DCAF12: variants seen among roughly 807,000 people sequenced by gnomAD.
DCAF12 encodes the protein DDB1- and CUL4-associated factor 12.
In DCAF12, 28 loss-of-function variants were observed where a neutral mutation model predicts 52.8. That is an observed-to-expected ratio of 0.53 (90% CI 0.39 to 0.73). DCAF12 has a LOEUF of 0.73. DCAF12 is among the 30% of genes least tolerant of loss of function. The probability of loss-of-function intolerance (pLI) is 0.00; values close to 1 mark genes in which losing one functional copy is unlikely to be tolerated. For missense variants in DCAF12, 425 were observed against 552.2 expected (o/e 0.77, Z 2.31); for synonymous variants, 196 against 215.5 (o/e 0.91, Z 0.79).
intron 2 of DCAF12, among the ~76,000 whole-genome samples, chr9:34,113,297 C>T (rs1564100787): frequency 6.6e-6 from 1 of 151,808 alleles, no homozygotes; most frequent in Non-Finnish European, 1.5e-5. Flanking sequence ...GGTGATCTGC[C>T]TGCTTTGGCC....
intron 4 of DCAF12, among the ~76,000 whole-genome samples, chr9:34,099,755 G>A (rs1013128383): frequency 6.0e-5 from 9 of 149,206 alleles, no homozygotes; most frequent in East Asian, 4.0e-4. Flanking sequence ...CACCATGCCC[G>A]GCTAATTTTT....
intron 2 of DCAF12, 63 bp downstream of exon 2, chr9:34,124,960 T>C: frequency 1.9e-6 from 3 of 1,584,608 alleles, no homozygotes; most frequent in South Asian, 1.1e-5. Context: ...GCAGAGGTTC[T>C]AGAGCAAGTG....
intron 5 of DCAF12, among the ~76,000 whole-genome samples, chr9:34,097,041 T>C (rs762206862): frequency 1.3e-5 from 2 of 151,996 alleles, no homozygotes; most frequent in African/African-American, 4.8e-5. Flanking sequence ...AACGTCCTGT[T>C]GGAGAGTTAA....
chr9:34,126,465 T>A lies in DCAF12; in HGVS notation c.-34A>T, dbSNP rs772225634. ...GCGCCGCCGCGGCCCCGCAGCCACA[T>A]GGGGCGGGGGAAGCGAAGGATAGCA... is the stretch of plus-strand genomic sequence containing the variant. On this transcript the variant is annotated 5_prime_UTR_variant, in exon 1 of 9. An upstream start codon of the reference 5' UTR is lost. Coordinates refer to ENST00000361264, the MANE Select transcript of DCAF12 (RefSeq NM_015397.4). 1.9e-6 allele frequency: 3 copies of A among 1,595,384 alleles called. No individual in the cohort carries two copies. Among genetic ancestry groups the A allele is most frequent in the Non-Finnish European group, 1.7e-6 (2 of 1,176,250 alleles).
Position 34,087,547 on chromosome 9 carries a change from G to C in DCAF12, c.*803C>G, listed in dbSNP as rs1828578891. The C allele has an allele frequency of 6.6e-6, 1 of 152,154 alleles. No homozygotes were observed. Among genetic ancestry groups the C allele is most frequent in the African/African-American group, 2.4e-5 (1 of 41,420 alleles). 9.4% of individuals were successfully genotyped at this position (152,154 alleles called of 1,614,324 possible). The stretch of plus-strand genomic sequence containing the variant: ...TGATGTTTTAGGGGTGTGGCTACTG[G>C]CTAAGCAGATGTGAGGGTGGGAAGG... On this transcript the variant is annotated 3_prime_UTR_variant, in exon 9 of 9. Coordinates refer to ENST00000361264, the MANE Select transcript of DCAF12 (RefSeq NM_015397.4).
intron 3 of DCAF12, 84 bp from the exon 4 acceptor site, chr9:34,106,578 AT>A (rs1225808114): frequency 4.4e-6 from 5 of 1,142,434 alleles, no homozygotes; most frequent in Non-Finnish European, 6.4e-6. Context: ...CTAAAGAAGC[AT>A]ACAAGTCAGA....
chr9:34,113,131 A>G (rs1173189409), intron 2 of DCAF12, among the ~76,000 whole-genome samples: 1 of 150,714 alleles, frequency 6.6e-6, no homozygotes, highest in African/African-American at 2.4e-5. Flanking sequence ...GCTCACCACA[A>G]CCTCTGCCTC....
At chr9:34,123,145 T>C (rs1829200246) in intron 2 of DCAF12, among the ~76,000 whole-genome samples, 1 of 152,244 alleles carries the variant, frequency 6.6e-6, no homozygotes, top group African/African-American at 2.4e-5. Flanking sequence ...ATTGAATGAC[T>C]ACCCTAGTTT....
chr9:34,088,103 T>G lies in DCAF12; in HGVS notation c.*247A>C. 3.0e-6 allele frequency: 1 copy of G among 328,732 alleles called. No individual in the cohort carries two copies. Among genetic ancestry groups the G allele is most frequent in the Non-Finnish European group, 5.5e-6 (1 of 183,148 alleles). 20.4% of individuals were successfully genotyped at this position (328,732 alleles called of 1,614,324 possible). The stretch of plus-strand genomic sequence containing the variant: ...AGAAAAATAGGGATTAGCAACAATG[T>G]TTGGTTGAAAAGCCAGAAATAATAA... On this transcript the variant is annotated 3_prime_UTR_variant, in exon 9 of 9. Transcript: ENST00000361264.
intron 2 of DCAF12, among the ~76,000 whole-genome samples, chr9:34,115,444 A>G (rs1829071520): frequency 1.1e-5 from 1 of 92,046 alleles, no homozygotes; most frequent in South Asian, 3.6e-4. Flanking sequence ...ACAAAAAATT[A>G]GCCGGGCGGC....
At position 34,126,618 on chromosome 9, in the gene DCAF12, T is replaced by C; in HGVS notation, c.-187A>G. 1 of 656,178 alleles carries C rather than the reference T, an allele frequency of 1.5e-6. No homozygotes were observed. The highest frequency in any genetic ancestry group is 2.5e-6 in the Non-Finnish European group (1 of 397,504). 40.6% of individuals were successfully genotyped at this position (656,178 alleles called of 1,614,324 possible). ...AAGAAAGGAAAGAGAGAGGAAGGAC[T>C]TGAGCCGGGAAAGGGAAGGGGAAGC... On this transcript the variant is annotated 5_prime_UTR_variant, in exon 1 of 9. Transcript: ENST00000361264.
At chr9:34,107,660 A>G (rs1257773143) in intron 2 of DCAF12, 95 bp from the exon 3 acceptor site, 1 of 1,015,198 alleles carries the variant, frequency 9.9e-7, no homozygotes, top group African/African-American at 1.6e-5. Flanking sequence ...ATCAACATTT[A>G]ATTAACAACT....
intron 4 of DCAF12, among the ~76,000 whole-genome samples, chr9:34,104,608 GA>G (rs1211723437): frequency 6.6e-6 from 1 of 152,038 alleles, no homozygotes; most frequent in African/African-American, 2.4e-5. Context: ...GTTTTATTAT[GA>G]AAATTTTAAA....
chr9:34,094,732 A>G (rs542236648), intron 6 of DCAF12, among the ~76,000 whole-genome samples: 153 of 151,756 alleles, frequency 1.0e-3, no homozygotes, highest in Middle Eastern at 3.4e-3. Flanking sequence ...GGGTTTCACC[A>G]TGTTAGCCAG....
At chr9:34,097,322 C>T (rs1283539922) in intron 5 of DCAF12, among the ~76,000 whole-genome samples, 5 of 136,294 alleles carry the variant, frequency 3.7e-5, no homozygotes, top group South Asian at 2.3e-4. Flanking sequence ...AGTGCTGTGG[C>T]GCAATTTCGG....
At chr9:34,107,707 G>A (rs887789049) in intron 2 of DCAF12, 142 bp from the exon 3 acceptor site, 6 of 684,942 alleles carry the variant, frequency 8.8e-6, no homozygotes, top group Non-Finnish European at 1.2e-5. Context: ...TAAAGGCATG[G>A]TCAGGACTAC....
rs777422806 is a variant in DCAF12, at chr9:34,086,905, TC to T, written c.*1444del. On this transcript the variant is annotated 3_prime_UTR_variant, in exon 9 of 9. Transcript: ENST00000361264. Reference sequence around the variant, plus strand: ...GCAGGAATAAATATGACTTTTCCTTTCCCCAAAATGGGATGTTGACAGAAAA... The same window carrying T: ...GCAGGAATAAATATGACTTTTCCTTTCCCAAAATGGGATGTTGACAGAAAA... 3 of 152,296 alleles carry T rather than the reference TC, an allele frequency of 2.0e-5. No individual in the cohort carries two copies. Among genetic ancestry groups the T allele is most frequent in the East Asian group, 3.9e-4 (2 of 5,190 alleles). 9.4% of individuals were successfully genotyped at this position (152,296 alleles called of 1,614,324 possible).
rs902257064 is a variant in DCAF12, at chr9:34,086,963, G to A, written c.*1387C>T. On this transcript the variant is annotated 3_prime_UTR_variant, in exon 9 of 9. Coordinates refer to ENST00000361264, the MANE Select transcript of DCAF12 (RefSeq NM_015397.4). ...TATGTGCTTAGAGGAACTGGTGGGTGGGAACAGCTGTTATCTTTGACATGA... is the reference window on the plus strand; with the variant it reads ...TATGTGCTTAGAGGAACTGGTGGGTAGGAACAGCTGTTATCTTTGACATGA... 21 of 152,190 alleles carry A rather than the reference G, an allele frequency of 1.4e-4. No homozygotes were observed. The highest frequency in any genetic ancestry group is 4.3e-4 in the African/African-American group (18 of 41,454). The allele number at this position is 152,190 out of a possible 1,614,324, so 9.4% of individuals were successfully genotyped here. A position where few individuals can be genotyped will look rare whatever the true frequency, so the allele number is the denominator to read the frequency against.
intron 2 of DCAF12, among the ~76,000 whole-genome samples, chr9:34,107,981 A>T (rs935470675): frequency 9.2e-5 from 14 of 152,170 alleles, no homozygotes; most frequent in African/African-American, 2.7e-4. Flanking sequence ...AGAACACATC[A>T]TGGCTACTAA....
Sources: gnomAD v4.1 joint callset for allele counts (sites outside exome capture counted in the v4.1 genomes callset) on GRCh38, gnomAD v4.1.1 for gene constraint, MANE v1.5 for transcripts, NCBI Gene and HGNC (gene_info 2026-07-23, HGNC 2026-07-21) for gene names.